The following PDE6A variants were observed in gnomAD, a reference collection of about 807,000 sequenced individuals.
PDE6A encodes phosphodiesterase 6A, also known as rod cGMP-specific 3',5'-cyclic phosphodiesterase subunit alpha.
A neutral mutation model predicts 106.3 loss-of-function variants in PDE6A; 84 were observed. That is an observed-to-expected ratio of 0.79 (90% CI 0.66 to 0.95). PDE6A has a LOEUF of 0.95. PDE6A is among the 40% of genes least tolerant of loss of function. The pLI is 0.00. For synonymous variants in PDE6A, 394 were observed against 386.6 expected, an observed-to-expected ratio of 1.02 and a Z score of -0.23; for missense variants, 1,052 against 1,084.9, an observed-to-expected ratio of 0.97 and a Z score of 0.43.
intron 17 of PDE6A, among the ~76,000 whole-genome samples, chr5:149,871,331 A>G (rs1428228813): frequency 6.6e-6 from 1 of 152,188 alleles, no homozygotes; most frequent in Non-Finnish European, 1.5e-5. Flanking sequence ...CATTTATCCC[A>G]CACATGCAGG....
intron 1 of PDE6A, among the ~76,000 whole-genome samples, chr5:149,937,892 A>C (rs542541124): frequency 1.3e-5 from 2 of 152,262 alleles, no homozygotes; most frequent in Non-Finnish European, 2.9e-5. Flanking sequence ...CACCTTTCCC[A>C]TTTTATAGAC....
chr5:149,916,781 G>A (rs1050412407), intron 5 of PDE6A, among the ~76,000 whole-genome samples: 1 of 152,142 alleles, frequency 6.6e-6, no homozygotes, highest in Admixed American at 6.5e-5. Flanking sequence ...GCAAGACAGT[G>A]AACCAAAATC....
chr5:149,934,424 G>T, intron 2 of PDE6A, 142 bp downstream of exon 2: 1 of 830,892 alleles, frequency 1.2e-6, no homozygotes, highest in Non-Finnish European at 2.1e-6. Context: ...ATTTTATCCT[G>T]CCTCCCTCAG....
At chr5:149,935,203 G>T (rs1007197170) in intron 1 of PDE6A, among the ~76,000 whole-genome samples, 1 of 152,088 alleles carries the variant, frequency 6.6e-6, no homozygotes, top group Admixed American at 6.6e-5. Context: ...TCTTACAGAA[G>T]GGGGATCTGT....
At chr5:149,902,556 C>G (rs1313517093) in intron 8 of PDE6A, among the ~76,000 whole-genome samples, 1 of 151,502 alleles carries the variant, frequency 6.6e-6, no homozygotes, top group Non-Finnish European at 1.5e-5. Flanking sequence ...CGCGGTAGCT[C>G]ATGCCTGTAA....
Position 149,883,528 on chromosome 5 carries a change from G to A in PDE6A, c.2036C>T (p.Thr679Met), listed in dbSNP as rs147017310. The part of the protein sequence containing the change: ...TDLALYFKKR[T>M]MFQKIVDQSK... ...CTGATCCACGATCTTTTGGAACATC[G>A]TCCTCTTCCTACAAAACATATCAGT... is the stretch of plus-strand genomic sequence containing the variant. The change falls in exon 17 of 22, where the codon ACG becomes ATG. Residue 679 changes from threonine (T) to methionine (M), a missense_variant. Coordinates refer to ENST00000255266, the MANE Select transcript of PDE6A (RefSeq NM_000440.3). 90 of 1,608,724 alleles carry A rather than the reference G, an allele frequency of 5.6e-5. No individual in the cohort carries two copies. In the African/African-American group the frequency reaches 9.9e-4, roughly 18 times the overall value.
intron 1 of PDE6A, among the ~76,000 whole-genome samples, chr5:149,938,595 G>A (rs1412294053): frequency 1.3e-5 from 2 of 152,190 alleles, no homozygotes; most frequent in Admixed American, 6.5e-5. Context: ...AAAGGGCAAA[G>A]GAATGATATA....
chr5:149,927,213 T>G (rs1350306519), intron 4 of PDE6A, among the ~76,000 whole-genome samples: 1 of 152,006 alleles, frequency 6.6e-6, no homozygotes, highest in East Asian at 1.9e-4. Flanking sequence ...GTATAAAAGT[T>G]TAAGAATCAT....
rs1761013864 is a variant in PDE6A, at chr5:149,883,630, A to C, written c.2028-94T>G. On this transcript the variant is annotated intron_variant, in intron 16 of 21. Coordinates refer to ENST00000255266, the MANE Select transcript of PDE6A (RefSeq NM_000440.3). The stretch of plus-strand genomic sequence containing the variant: ...TGGCTGATTCAGATGGAGCCTTATT[A>C]AATCAACAAAATTCACAAAACAAGG... 8.2e-6 allele frequency: 7 copies of C among 852,448 alleles called. No individual in the cohort carries two copies. The South Asian group carries it at 8.5e-5, about 10-fold the overall frequency. 52.8% of individuals were successfully genotyped at this position (852,448 alleles called of 1,614,324 possible).
At chr5:149,907,699 C>G (rs1297387057) in intron 6 of PDE6A, among the ~76,000 whole-genome samples, 2 of 152,186 alleles carry the variant, frequency 1.3e-5, no homozygotes, top group Non-Finnish European at 2.9e-5. Context: ...AAGTTAGAAG[C>G]TACTAATACT....
intron 1 of PDE6A, among the ~76,000 whole-genome samples, chr5:149,937,871 A>G (rs1754229065): frequency 6.6e-6 from 1 of 152,202 alleles, no homozygotes; most frequent in Non-Finnish European, 1.5e-5. Flanking sequence ...AGCCCTGCCA[A>G]ATAGAACTGC....
chr5:149,887,546 C>T (rs369557992), intron 13 of PDE6A, among the ~76,000 whole-genome samples: 3 of 152,154 alleles, frequency 2.0e-5, no homozygotes, highest in Admixed American at 6.5e-5. Flanking sequence ...CCTGTGGTCT[C>T]GGCTACCTGG....
At chr5:149,925,043 G>T (rs903423160) in intron 4 of PDE6A, among the ~76,000 whole-genome samples, 2 of 152,106 alleles carry the variant, frequency 1.3e-5, no homozygotes, top group Non-Finnish European at 2.9e-5. Flanking sequence ...ATTCCTAAAT[G>T]GATTGAGGTT....
rs898003539 is a variant in PDE6A at position 149,858,500 on chromosome 5, T to C, written c.*2395A>G. On this transcript the variant is annotated 3_prime_UTR_variant, in exon 22 of 22. Coordinates refer to ENST00000255266, the MANE Select transcript of PDE6A (RefSeq NM_000440.3). ...TTAAAAGAAATAAGTCCTGGCCAGG[T>C]GCAGTGGCTCACGCCTGTAATCCCA... The C allele has an allele frequency of 6.6e-6, 1 of 152,270 alleles. No individual in the cohort carries two copies. The highest frequency in any genetic ancestry group is 2.4e-5 in the African/African-American group (1 of 41,442). 9.4% of individuals were successfully genotyped at this position (152,270 alleles called of 1,614,324 possible). A position where few individuals can be genotyped will look rare whatever the true frequency, so the allele number is the denominator to read the frequency against.
At chr5:149,895,106 G>T in intron 13 of PDE6A, 77 bp downstream of exon 13, 3 of 852,028 alleles carry the variant, frequency 3.5e-6, no homozygotes, top group South Asian at 2.6e-5. Context: ...CAACGCTGTT[G>T]CTACCATGTA....
At position 149,933,910 on chromosome 5, in the gene PDE6A, C is replaced by T. The variant is rs780162381; in HGVS notation, c.717+20G>A. On this transcript the variant is annotated intron_variant, in intron 3 of 21. Transcript: ENST00000255266. The stretch of plus-strand genomic sequence containing the variant: ...GGGAAAGGACGAGTCAAGTCCATTC[C>T]CTTGGCCCAAGCCCCTTACCTGGCC... 1.9e-6 allele frequency: 3 copies of T among 1,587,374 alleles called. No homozygotes were observed. Among genetic ancestry groups the T allele is most frequent in the Non-Finnish European group, 2.6e-6 (3 of 1,156,658 alleles).
intron 13 of PDE6A, among the ~76,000 whole-genome samples, chr5:149,892,580 C>T (rs1453930152): frequency 1.3e-5 from 2 of 151,832 alleles, no homozygotes; most frequent in East Asian, 1.9e-4. Context: ...CAGCCTCAGC[C>T]TCCTGTGTTC....
Position 149,944,438 on chromosome 5 carries a change from A to G in PDE6A, c.236T>C (p.Phe79Ser), listed in dbSNP as rs1178747460. 6.2e-7 allele frequency: 1 copy of G among 1,614,110 alleles called. No individual in the cohort carries two copies. Among genetic ancestry groups the G allele is most frequent in the Non-Finnish European group, 8.5e-7 (1 of 1,180,014 alleles). ...QENLQTEKCIFNVMKKLCFLL... is the reference protein window; with the variant it reads ...QENLQTEKCISNVMKKLCFLL... ...GAAGCACAGCTTCTTCATGACATTG[A>G]AGATGCATTTCTCTGTCTGTAAATT... The change falls in exon 1 of 22, where the codon TTC becomes TCC. Residue 79 changes from phenylalanine (F) to serine (S), a missense_variant. Coordinates refer to ENST00000255266, the MANE Select transcript of PDE6A (RefSeq NM_000440.3).
intron 4 of PDE6A, among the ~76,000 whole-genome samples, chr5:149,927,484 C>T (rs886319544): frequency 6.6e-6 from 1 of 152,094 alleles, no homozygotes; most frequent in Non-Finnish European, 1.5e-5. Flanking sequence ...CTCATCATAG[C>T]TCACTGCAGA....
Sources: allele counts gnomAD v4.1 joint callset (sites outside exome capture counted in the v4.1 genomes callset), GRCh38; gene constraint gnomAD v4.1.1; transcripts MANE v1.5; gene names NCBI Gene and HGNC (gene_info 2026-07-23, HGNC 2026-07-21).